Variants in GALNTL6 observed in about 807,000 individuals in gnomAD.
GALNTL6 encodes polypeptide N-acetylgalactosaminyltransferase like 6.
GALNTL6 carries 46 observed loss-of-function variants against 73.7 expected under a neutral mutation model. The observed-to-expected ratio is 0.62, with a 90% CI of 0.49 to 0.80. The LOEUF is 0.80. Ranked by LOEUF, GALNTL6 falls within the 30% of genes least tolerant of loss-of-function variation. The pLI is 0.00. For missense variants in GALNTL6, 604 were observed against 755.0 expected (o/e 0.80, Z 2.34); for synonymous variants, 259 against 263.7 (o/e 0.98, Z 0.17).
chr4:172,605,425 A>C (rs1228992211), intron 5 of GALNTL6, among the ~76,000 whole-genome samples: 6 of 152,154 alleles, frequency 3.9e-5, no homozygotes, highest in Non-Finnish European at 7.3e-5. Flanking sequence ...TTAATGGGGG[A>C]GATAGACATG....
chr4:172,196,935 G>A (rs28879117), intron 2 of GALNTL6, among the ~76,000 whole-genome samples: 28,513 of 152,058 alleles, frequency 0.19, 2,906 homozygotes, highest in Admixed American at 0.25. Flanking sequence ...GGAACTTCCC[G>A]CCAGGGGAAT....
In GALNTL6 at chr4:172,293,816, T is replaced by A. The variant is rs569369079; in HGVS notation, c.248-17798T>A. ...AAGAATGCACATAGTAATCACAGCA[T>A]AATACATTTCCTTAAACTTTTTTTT... On this transcript the variant is annotated intron_variant, in intron 3 of 12. Coordinates refer to ENST00000506823, the MANE Select transcript of GALNTL6 (RefSeq NM_001034845.3). 3.2e-4 allele frequency among the ~76,000 whole-genome samples: 48 copies of A among 151,652 alleles called. No individual in the cohort carries two copies. The South Asian group carries it at 8.9e-3, about 28-fold the overall frequency.
chr4:172,334,111 TTACTC>T (rs200282043), intron 4 of GALNTL6, among the ~76,000 whole-genome samples: 34 of 151,964 alleles, frequency 2.2e-4, no homozygotes, highest in South Asian at 8.5e-4. Flanking sequence ...TTACTACACT[TTACTC>T]TACTCTACTC....
At chr4:172,100,266 G>A (rs1425592232) in intron 2 of GALNTL6, among the ~76,000 whole-genome samples, 1 of 151,998 alleles carries the variant, frequency 6.6e-6, no homozygotes, top group Non-Finnish European at 1.5e-5. Context: ...TAATGTGGTA[G>A]CTAACACATA....
intron 2 of GALNTL6, among the ~76,000 whole-genome samples, chr4:172,211,004 T>C (rs28871016): frequency 0.014 from 2,188 of 152,318 alleles, 56 homozygotes; most frequent in African/African-American, 0.05. Context: ...TATTTAGCCA[T>C]TTGAAAGCTC....
chr4:172,308,004 T>A (rs13110030), intron 3 of GALNTL6, among the ~76,000 whole-genome samples: 1 of 15,830 alleles, frequency 6.3e-5, no homozygotes, highest in Non-Finnish European at 1.1e-4. Context: ...GTGTTTTAAC[T>A]TTTTTTTTTT....
chr4:172,532,829 G>T lies in GALNTL6; in HGVS notation c.553+184140G>T, dbSNP rs376693810. On this transcript the variant is annotated intron_variant, in intron 5 of 12. Transcript: ENST00000506823. ...ACCACAAGTGGCAGAGTGGTTAATTGCACTAGATAAGTTGAACTCTTAACG... is the reference window on the plus strand; with the variant it reads ...ACCACAAGTGGCAGAGTGGTTAATTTCACTAGATAAGTTGAACTCTTAACG... 5.9e-5 allele frequency among the ~76,000 whole-genome samples: 9 copies of T among 152,052 alleles called. No individual in the cohort carries two copies. In the East Asian group the frequency reaches 1.4e-3, roughly 23 times the overall value.
intron 8 of GALNTL6, among the ~76,000 whole-genome samples, chr4:172,920,176 T>C (rs1166816332): frequency 6.6e-6 from 1 of 152,184 alleles, no homozygotes; most frequent in African/African-American, 2.4e-5. Context: ...CATTATAGAC[T>C]ATAAACACAT....
intron 2 of GALNTL6, among the ~76,000 whole-genome samples, chr4:171,868,368 TGTAAACAATA>T (rs11279658): frequency 0.17 from 25,336 of 151,986 alleles, 3,187 homozygotes; most frequent in African/African-American, 0.35. Flanking sequence ...GATTCGCGTC[TGTAAACAATA>T]GATATCTCTT....
At chr4:172,830,362 C>T (rs879835620) in intron 7 of GALNTL6, among the ~76,000 whole-genome samples, 1 of 152,184 alleles carries the variant, frequency 6.6e-6, no homozygotes, top group Admixed American at 6.5e-5. Context: ...CAGAATGGGA[C>T]TGCTATTGCT....
intron 5 of GALNTL6, among the ~76,000 whole-genome samples, chr4:172,580,037 A>G (rs1737117173): frequency 6.6e-6 from 1 of 152,220 alleles, no homozygotes; most frequent in African/African-American, 2.4e-5. Context: ...TCAAGATGAT[A>G]GGACACCCAA....
At chr4:172,390,395 T>A (rs1013472927) in intron 5 of GALNTL6, among the ~76,000 whole-genome samples, 6 of 152,186 alleles carry the variant, frequency 3.9e-5, no homozygotes, top group Non-Finnish European at 7.3e-5. Context: ...TTACCCACAG[T>A]CATTGGCAGT....
chr4:172,335,229 G>A (rs751869086), intron 4 of GALNTL6, among the ~76,000 whole-genome samples: 8 of 152,234 alleles, frequency 5.3e-5, no homozygotes, highest in East Asian at 3.9e-4. Context: ...TTCTGTTTAC[G>A]TGTTGAATCA....
chr4:172,930,604 T>C (rs1748281032), intron 8 of GALNTL6, among the ~76,000 whole-genome samples: 1 of 152,246 alleles, frequency 6.6e-6, no homozygotes, highest in South Asian at 2.1e-4. Context: ...ACAATATTTG[T>C]AACAAAATTT....
chr4:172,584,385 A>G (rs1453190167), intron 5 of GALNTL6, among the ~76,000 whole-genome samples: 2 of 152,188 alleles, frequency 1.3e-5, no homozygotes, highest in Non-Finnish European at 2.9e-5. Context: ...ATTTAAAAAC[A>G]AAACAAAAAA....
intron 12 of GALNTL6, among the ~76,000 whole-genome samples, chr4:173,036,168 C>T (rs1753687076): frequency 6.6e-6 from 1 of 152,148 alleles, no homozygotes; most frequent in South Asian, 2.1e-4. Flanking sequence ...AAGCACTTTC[C>T]CCATGACTGT....
chr4:172,949,985 G>T (rs1275529977), intron 9 of GALNTL6, among the ~76,000 whole-genome samples: 1 of 151,622 alleles, frequency 6.6e-6, no homozygotes, highest in Non-Finnish European at 1.5e-5. Flanking sequence ...GTGGCCTGAG[G>T]ACAAGTAAAA....
chr4:172,508,862 TA>T lies in GALNTL6; in HGVS notation c.553+160176del, dbSNP rs1309663984. Among the ~76,000 whole-genome samples the T allele has an allele frequency of 1.0e-3, 7 of 6,680 alleles. 3 individuals are homozygous for T. Among genetic ancestry groups the T allele is most frequent in the African/African-American group, 1.2e-3 (7 of 5,796 alleles). 4.4% of individuals were successfully genotyped at this position (6,680 alleles called of 152,430 possible). A position where few individuals can be genotyped will look rare whatever the true frequency, so the allele number is the denominator to read the frequency against. ...TTTGCAATTGTGAATTGTGCTGCTA[TA>T]AACATGTGTGTGTGTCTTTTTTGTA... On this transcript the variant is annotated intron_variant, in intron 5 of 12. Transcript: ENST00000506823.
chr4:172,404,203 T>A (rs1047403823), intron 5 of GALNTL6, among the ~76,000 whole-genome samples: 4 of 151,938 alleles, frequency 2.6e-5, no homozygotes, highest in Non-Finnish European at 5.9e-5. Flanking sequence ...GTTAACTGAA[T>A]GTCTTGTATT....
Sources: gnomAD v4.1 joint callset for allele counts (sites outside exome capture counted in the v4.1 genomes callset) on GRCh38, gnomAD v4.1.1 for gene constraint, MANE v1.5 for transcripts, NCBI Gene and HGNC (gene_info 2026-07-23, HGNC 2026-07-21) for gene names.